DSCAM: variants seen among roughly 807,000 people sequenced by gnomAD.
DSCAM encodes cell adhesion molecule DSCAM.
Under a neutral mutation model 217.7 loss-of-function variants are expected in DSCAM, and 47 were observed. The observed-to-expected ratio is 0.22, with a 90% CI of 0.17 to 0.28. The LOEUF (loss-of-function observed/expected upper bound fraction) is 0.28, where lower values mean the gene tolerates loss of function less well. Ranked by LOEUF, DSCAM falls within the 10% of genes least tolerant of loss-of-function variation. DSCAM has a pLI of 1.00. For synonymous variants in DSCAM, 1,056 were observed against 1,015.3 expected (o/e 1.04, Z -0.76); for missense variants, 2,080 against 2,618.3 (o/e 0.79, Z 4.49).
intron 20 of DSCAM, among the ~76,000 whole-genome samples, chr21:40,108,663 T>C (rs1004158644): frequency 3.3e-5 from 5 of 152,234 alleles, no homozygotes; most frequent in East Asian, 3.9e-4. Flanking sequence ...AAAAATTCAG[T>C]TGGAACCAAA....
chr21:40,696,763 AT>A (rs571734821), intron 2 of DSCAM, among the ~76,000 whole-genome samples: 1 of 152,068 alleles, frequency 6.6e-6, no homozygotes, highest in Non-Finnish European at 1.5e-5. Context: ...AGGCCTATTT[AT>A]TTTTTTAATC....
intron 11 of DSCAM, among the ~76,000 whole-genome samples, chr21:40,215,849 G>A (rs17829215): frequency 0.034 from 5,235 of 151,842 alleles, 126 homozygotes; most frequent in African/African-American, 0.065. Flanking sequence ...GTCCCTGCAT[G>A]CTAAGTAGGT....
chr21:40,446,499 GCA>G (rs1424060079), intron 3 of DSCAM, among the ~76,000 whole-genome samples: 1 of 152,140 alleles, frequency 6.6e-6, no homozygotes, highest in Non-Finnish European at 1.5e-5. Context: ...CTTCCGTTAA[GCA>G]CCCAGGGCCC....
intron 32 of DSCAM, among the ~76,000 whole-genome samples, chr21:40,031,704 G>A (rs1343443921): frequency 6.6e-6 from 1 of 152,116 alleles, no homozygotes; most frequent in African/African-American, 2.4e-5. Context: ...GAAGGCCCAG[G>A]GAGCATACAG....
At chr21:40,487,364 T>G (rs1047011314) in intron 3 of DSCAM, among the ~76,000 whole-genome samples, 2 of 149,068 alleles carry the variant, frequency 1.3e-5, no homozygotes, top group Non-Finnish European at 3.0e-5. Context: ...AGAGACTGCC[T>G]GCTCACACGT....
intron 32 of DSCAM, among the ~76,000 whole-genome samples, chr21:40,028,432 G>A (rs1452831050): frequency 6.6e-6 from 1 of 151,524 alleles, no homozygotes; most frequent in Non-Finnish European, 1.5e-5. Context: ...GCAATGGCGG[G>A]CCCCCCTCCC....
chr21:40,649,114 A>C (rs62223647), intron 3 of DSCAM, among the ~76,000 whole-genome samples: 57,628 of 151,770 alleles, frequency 0.38, 11,709 homozygotes, highest in East Asian at 0.6. Context: ...CCATTAAGCT[A>C]ATAGTCATCA....
intron 10 of DSCAM, among the ~76,000 whole-genome samples, chr21:40,280,618 A>AT (rs1370768939): frequency 6.6e-6 from 1 of 152,216 alleles, no homozygotes; most frequent in Non-Finnish European, 1.5e-5. Flanking sequence ...GGGAATCTGA[A>AT]TTTTTTGTCA....
intron 11 of DSCAM, among the ~76,000 whole-genome samples, chr21:40,234,271 G>A (rs1755252498): frequency 6.6e-6 from 1 of 152,204 alleles, no homozygotes; most frequent in Non-Finnish European, 1.5e-5. Flanking sequence ...TAGCGCAGAA[G>A]TCAACTCGTC....
Position 40,769,376 on chromosome 21 carries a change from C to T in DSCAM, c.44-60605G>A, listed in dbSNP as rs574619320. 3.9e-5 allele frequency among the ~76,000 whole-genome samples: 6 copies of T among 152,308 alleles called. No individual in the cohort carries two copies. The South Asian group carries it at 1.2e-3, about 32-fold the overall frequency. On this transcript the variant is annotated intron_variant, in intron 1 of 32. Coordinates refer to ENST00000400454, the MANE Select transcript of DSCAM (RefSeq NM_001389.5). ...TGACCCCAACCTCAAAGCTGGCCAG[C>T]TGTGCTGCACCCATGGGGAGAAGGA...
intron 3 of DSCAM, among the ~76,000 whole-genome samples, chr21:40,536,703 G>C (rs751162509): frequency 1.3e-5 from 2 of 152,194 alleles, no homozygotes; most frequent in South Asian, 2.1e-4. Flanking sequence ...ACTGCACCCG[G>C]TCCCGGTAGA....
chr21:40,586,983 G>T (rs576030446), intron 3 of DSCAM, among the ~76,000 whole-genome samples: 1 of 152,060 alleles, frequency 6.6e-6, no homozygotes, highest in East Asian at 1.9e-4. Context: ...AAATAAAGAA[G>T]AGCAGATGAG....
intron 4 of DSCAM, among the ~76,000 whole-genome samples, chr21:40,365,381 C>G (rs2074820306): frequency 6.6e-6 from 1 of 152,214 alleles, no homozygotes; most frequent in South Asian, 2.1e-4. Context: ...AGTTCTTCAA[C>G]TTTTAGACGC....
intron 32 of DSCAM, among the ~76,000 whole-genome samples, chr21:40,023,348 T>C (rs1257430227): frequency 6.6e-6 from 1 of 152,126 alleles, no homozygotes; most frequent in Non-Finnish European, 1.5e-5. Context: ...TATGTCTTTA[T>C]AGCAGCATGA....
chr21:40,050,506 A>G (rs143953374), intron 30 of DSCAM, among the ~76,000 whole-genome samples: 2,106 of 151,082 alleles, frequency 0.014, 26 homozygotes, highest in Middle Eastern at 0.085. Flanking sequence ...TTTTGGAGAC[A>G]GAGTCTCGCT....
At chr21:40,517,116 C>A (rs1010931700) in intron 3 of DSCAM, among the ~76,000 whole-genome samples, 9 of 147,136 alleles carry the variant, frequency 6.1e-5, no homozygotes, top group Admixed American at 2.1e-4. Context: ...CCACACATAC[C>A]TTATGTGTAT....
At chr21:40,735,820 A>C (rs2091058038) in intron 1 of DSCAM, among the ~76,000 whole-genome samples, 1 of 152,168 alleles carries the variant, frequency 6.6e-6, no homozygotes, top group Admixed American at 6.5e-5. Context: ...TTCTCACACC[A>C]ACCAATTCTC....
intron 3 of DSCAM, among the ~76,000 whole-genome samples, chr21:40,450,057 T>C (rs916127195): frequency 1.3e-5 from 2 of 152,188 alleles, no homozygotes; most frequent in African/African-American, 4.8e-5. Flanking sequence ...GTGACATTTC[T>C]CCATACACAT....
At chr21:40,389,534 ATTAT>A (rs1173001862) in intron 3 of DSCAM, among the ~76,000 whole-genome samples, 3 of 152,244 alleles carry the variant, frequency 2.0e-5, no homozygotes, top group African/African-American at 7.2e-5. Flanking sequence ...TATTGATTAA[ATTAT>A]TTGTTAAATT....
Sources: allele counts gnomAD v4.1 joint callset (sites outside exome capture counted in the v4.1 genomes callset), GRCh38; gene constraint gnomAD v4.1.1; transcripts MANE v1.5; gene names NCBI Gene and HGNC (gene_info 2026-07-23, HGNC 2026-07-21).